Variants in CNBD1 observed in about 807,000 individuals in gnomAD.
CNBD1 encodes the protein cyclic nucleotide binding domain containing 1, also known as cyclic nucleotide-binding domain-containing protein 1.
In CNBD1, 71 loss-of-function variants were observed where a neutral mutation model predicts 54.4. The observed-to-expected ratio is 1.30, with a 90% CI of 1.08 to 1.59. The LOEUF (loss-of-function observed/expected upper bound fraction) is 1.59. Among genes scored for constraint, CNBD1 ranks in the 40% most tolerant of loss-of-function variants. The pLI is 0.00. For missense variants in CNBD1, 659 were observed against 518.0 expected, an observed-to-expected ratio of 1.27 and a Z score of -2.64; for synonymous variants, 182 against 170.7, an observed-to-expected ratio of 1.07 and a Z score of -0.51.
chr8:87,044,494 A>T (rs1387786786), intron 4 of CNBD1: 4 of 152,148 alleles, frequency 2.6e-5, no homozygotes, highest in African/African-American at 9.7e-5. Context: ...TAATAAGCAA[A>T]AGAAGACAGC....
chr8:87,171,068 T>A (rs188253872), intron 4 of CNBD1, among the ~76,000 whole-genome samples: 2 of 152,298 alleles, frequency 1.3e-5, no homozygotes, highest in East Asian at 3.9e-4. Flanking sequence ...CCTCTATTTT[T>A]TGTAATAGTT....
chr8:86,958,192 G>C (rs1226597086), intron 4 of CNBD1, among the ~76,000 whole-genome samples: 1 of 152,196 alleles, frequency 6.6e-6, no homozygotes, highest in African/African-American at 2.4e-5. Flanking sequence ...TGGTCTGAGA[G>C]ACAGTTTGTT....
At chr8:87,392,799 CTG>C (rs1217735964) in intron 2 of CNBD1, among the ~76,000 whole-genome samples, 1 of 151,836 alleles carries the variant, frequency 6.6e-6, no homozygotes, top group African/African-American at 2.4e-5. Flanking sequence ...AATGGGTAAA[CTG>C]TGTTGTACGT....
intron 4 of CNBD1, among the ~76,000 whole-genome samples, chr8:87,097,699 C>T (rs1586254331): frequency 6.6e-6 from 1 of 152,132 alleles, no homozygotes; most frequent in Non-Finnish European, 1.5e-5. Context: ...ATGCGTGGTG[C>T]CACAAATTTG....
At chr8:86,900,451 C>T (rs1808915600) in intron 2 of CNBD1, among the ~76,000 whole-genome samples, 1 of 152,176 alleles carries the variant, frequency 6.6e-6, no homozygotes, top group Non-Finnish European at 1.5e-5. Flanking sequence ...TCGTGACTCA[C>T]ATTCTTGTCC....
At chr8:87,272,752 G>A (rs1808393622) in intron 6 of CNBD1, among the ~76,000 whole-genome samples, 1 of 151,972 alleles carries the variant, frequency 6.6e-6, no homozygotes, top group Non-Finnish European at 1.5e-5. Flanking sequence ...GTGGTGAGCA[G>A]TTGTGTATGA....
At chr8:86,981,841 A>G (rs947662128) in intron 4 of CNBD1, among the ~76,000 whole-genome samples, 2 of 152,196 alleles carry the variant, frequency 1.3e-5, no homozygotes, top group South Asian at 4.1e-4. Context: ...GTATCTGACT[A>G]TTGTGAATAA....
intron 4 of CNBD1, among the ~76,000 whole-genome samples, chr8:87,052,892 A>G (rs1185870600): frequency 2.6e-5 from 4 of 152,112 alleles, no homozygotes; most frequent in Non-Finnish European, 5.9e-5. Flanking sequence ...GTAAAAAGGG[A>G]ACTTGAACCA....
downstream of CNBD1, among the ~76,000 whole-genome samples, chr8:87,383,998 A>G (rs1563580496): frequency 6.6e-6 from 1 of 152,072 alleles, no homozygotes; most frequent in Non-Finnish European, 1.5e-5. Context: ...AGACATTAGT[A>G]TTTTTGACTT....
intron 4 of CNBD1, among the ~76,000 whole-genome samples, chr8:87,049,521 C>G (rs997452607): frequency 1.3e-5 from 2 of 152,058 alleles, no homozygotes; most frequent in Non-Finnish European, 2.9e-5. Flanking sequence ...TACTGAATAC[C>G]CTGCCTTATG....
chr8:86,883,912 G>A (rs1358506986), intron 1 of CNBD1, among the ~76,000 whole-genome samples: 2 of 152,050 alleles, frequency 1.3e-5, no homozygotes, highest in East Asian at 1.9e-4. Context: ...AGCACTTTGG[G>A]AGGCCGAGGT....
intron 10 of CNBD1, among the ~76,000 whole-genome samples, chr8:87,369,107 A>G (rs1810705744): frequency 6.6e-6 from 1 of 152,054 alleles, no homozygotes; most frequent in Non-Finnish European, 1.5e-5. Context: ...ATTTTATTCC[A>G]TATATTTTAG....
chr8:87,221,614 C>A (rs1299484623), intron 5 of CNBD1, among the ~76,000 whole-genome samples: 3 of 152,110 alleles, frequency 2.0e-5, no homozygotes, highest in Admixed American at 6.6e-5. Context: ...ACCTTCATAT[C>A]ATTTTATGTA....
chr8:87,237,100 A>G lies in CNBD1; in HGVS notation c.759A>G (p.Ser253=), dbSNP rs767108876. The G allele has an allele frequency of 1.9e-6, 3 of 1,602,900 alleles. No homozygotes were observed. Among genetic ancestry groups the G allele is most frequent in the African/African-American group, 1.3e-5 (1 of 74,722 alleles). The change falls in exon 6 of 11, where the codon TCA becomes TCG. Residue 253 remains serine (S), a synonymous_variant. Coordinates refer to ENST00000518476, the MANE Select transcript of CNBD1 (RefSeq NM_173538.3). ...NSTLAEMYLP[S]YDSMLSKWST... is the part of the protein sequence containing the mutation. Reference sequence around the variant, plus strand: ...CACTTGCTGAGATGTACCTACCTTCATATGACTCAATGGTAAGAGATGAGT... The same window carrying G: ...CACTTGCTGAGATGTACCTACCTTCGTATGACTCAATGGTAAGAGATGAGT...
chr8:87,396,692 A>G (rs931881570), intron 2 of CNBD1, among the ~76,000 whole-genome samples: 1 of 151,506 alleles, frequency 6.6e-6, no homozygotes, highest in Non-Finnish European at 1.5e-5. Context: ...TTTTTAATCA[A>G]TTCATATTAA....
intron 4 of CNBD1, among the ~76,000 whole-genome samples, chr8:87,205,644 G>T (rs1007811912): frequency 9.9e-5 from 15 of 151,924 alleles, no homozygotes; most frequent in Non-Finnish European, 2.2e-4. Flanking sequence ...TCTAAAAGAG[G>T]TCTTTATTAC....
chr8:87,416,169 A>G (rs1227654034), intron 2 of CNBD1, among the ~76,000 whole-genome samples: 1 of 151,964 alleles, frequency 6.6e-6, no homozygotes, highest in Non-Finnish European at 1.5e-5. Flanking sequence ...TTTGACAAAA[A>G]CACACAAAAA....
At position 87,409,994 on chromosome 8, in the gene CNBD1, G is replaced by A. The variant is rs564122595; in HGVS notation, c.214-18552G>A. ...GCCGAGATAGTGCCACTGCACTCCA[G>A]CCTGGGTGACAGAGCGAGACTCTGT... On this transcript the variant is annotated intron_variant, in intron 2 of 7. Coordinates refer to the CNBD1 transcript ENST00000521593. 2.6e-5 allele frequency among the ~76,000 whole-genome samples: 4 copies of A among 151,998 alleles called. No homozygotes were observed. In the East Asian group the frequency reaches 7.8e-4, roughly 30 times the overall value.
At chr8:87,423,908 G>A (rs1179799173) in intron 2 of CNBD1, among the ~76,000 whole-genome samples, 1 of 152,130 alleles carries the variant, frequency 6.6e-6, no homozygotes, top group African/African-American at 2.4e-5. Flanking sequence ...TCTAGTCCTG[G>A]ACTCTTTTTG....
Sources: gnomAD v4.1 joint callset for allele counts (sites outside exome capture counted in the v4.1 genomes callset) on GRCh38, gnomAD v4.1.1 for gene constraint, MANE v1.5 for transcripts, NCBI Gene and HGNC (gene_info 2026-07-23, HGNC 2026-07-21) for gene names.